The following UBOX5 variants were observed in gnomAD, a reference collection of about 807,000 sequenced individuals.
UBOX5 encodes RING finger protein 37.
A neutral mutation model predicts 39.0 loss-of-function variants in UBOX5; 28 were observed. The observed-to-expected ratio is 0.72, with a 90% confidence interval of 0.53 to 0.98. The LOEUF is 0.98. Ranked by LOEUF, UBOX5 falls within the 50% of genes least tolerant of loss-of-function variation. The pLI, the probability that UBOX5 is intolerant of heterozygous loss-of-function variation, is 0.00. For missense variants in UBOX5, 585 were observed against 674.4 expected, an observed-to-expected ratio of 0.87 and a Z score of 1.47; for synonymous variants, 283 against 275.5, an observed-to-expected ratio of 1.03 and a Z score of -0.27.
At chr20:3,135,396 A>G (rs1451043498) in intron 1 of UBOX5, among the ~76,000 whole-genome samples, 1 of 152,196 alleles carries the variant, frequency 6.6e-6, no homozygotes, top group Non-Finnish European at 1.5e-5. Context: ...GTCAAGGCAC[A>G]GAGGAGGGAA....
At chr20:3,148,997 A>G in intron 1 of UBOX5, 1 of 1,614,148 alleles carries the variant, frequency 6.2e-7, no homozygotes, top group Non-Finnish European at 8.5e-7. Context: ...CACACTTCGG[A>G]CTGCACCAAA....
At chr20:3,144,738 C>T (rs140805733) in intron 1 of UBOX5, among the ~76,000 whole-genome samples, 280 of 152,240 alleles carry the variant, frequency 1.8e-3, no homozygotes, top group African/African-American at 6.4e-3. Flanking sequence ...TATATATATA[C>T]AATCTCCTTA....
Position 3,121,470 on chromosome 20 carries a change from A to G in UBOX5, c.1169T>C (p.Leu390Ser), listed in dbSNP as rs771148041. The change falls in exon 3 of 5, where the codon TTG becomes TCG. Residue 390 changes from leucine (L) to serine (S), a missense_variant. By Grantham distance (145) the Leu-to-Ser change is moderately radical. Coordinates refer to ENST00000217173, the MANE Select transcript of UBOX5 (RefSeq NM_014948.4). ...GTGCTCTGAGGTAGTGGGTAAGACC[A>G]AAGGGCTTGTGGCAGAAAAACAGGA... ...NASCFSATSPLVLPTTSEHTA... is the reference protein window; with the variant it reads ...NASCFSATSPSVLPTTSEHTA... 1.2e-6 allele frequency: 2 copies of G among 1,614,128 alleles called. No homozygotes were observed. Among genetic ancestry groups the G allele is most frequent in the Non-Finnish European group, 1.7e-6 (2 of 1,180,030 alleles).
Position 3,122,351 on chromosome 20 carries a change from C to A in UBOX5, c.288G>T (p.Thr96=). 2 of 1,614,132 alleles carry A rather than the reference C, an allele frequency of 1.2e-6. No homozygotes were observed. Residue 96 remains threonine (T), a synonymous_variant, in exon 3 of 5, where the codon ACG becomes ACT. Coordinates refer to ENST00000217173, the MANE Select transcript of UBOX5 (RefSeq NM_014948.4). ...CTGGGCCCAGGGTCCGGCACTGGGGCGTATTCCAAGACACTCTGCTAGATG... is the reference window on the plus strand; with the variant it reads ...CTGGGCCCAGGGTCCGGCACTGGGGAGTATTCCAAGACACTCTGCTAGATG... ...SASSSRVSWN[T]PQCRTLGPAE... is the part of the protein sequence containing the mutation.
chr20:3,144,782 C>A, intron 1 of UBOX5, among the ~76,000 whole-genome samples: 1 of 152,164 alleles, frequency 6.6e-6, no homozygotes, highest in East Asian at 1.9e-4. Flanking sequence ...ACCTGAATCC[C>A]ACCAGACTTC....
At chr20:3,132,733 C>T (rs943289090) in intron 1 of UBOX5, among the ~76,000 whole-genome samples, 5 of 150,278 alleles carry the variant, frequency 3.3e-5, no homozygotes, top group African/African-American at 1.2e-4. Context: ...AGCAGGAGAA[C>T]TGCTGGAACC....
chr20:3,131,526 A>G (rs1157023983), intron 1 of UBOX5, among the ~76,000 whole-genome samples: 3 of 152,178 alleles, frequency 2.0e-5, no homozygotes, highest in South Asian at 2.1e-4. Flanking sequence ...TTTTGCTCAT[A>G]TTTAATTTTA....
At chr20:3,155,406 C>T (rs536660209) in intron 1 of UBOX5, among the ~76,000 whole-genome samples, 65 of 152,234 alleles carry the variant, frequency 4.3e-4, no homozygotes, top group South Asian at 3.1e-3. Context: ...TGGCAGGCAC[C>T]TGTAATCTCA....
intron 1 of UBOX5, among the ~76,000 whole-genome samples, chr20:3,136,757 G>A (rs538035670): frequency 2.0e-5 from 3 of 152,166 alleles, no homozygotes; most frequent in Middle Eastern, 3.4e-3. Context: ...CCAGGTTCAC[G>A]CCATTCTCCT....
rs575523655 is a variant in UBOX5 at position 3,156,379 on chromosome 20, A to G, written c.-42+3387T>C. Among the ~76,000 whole-genome samples, 173 of 152,050 alleles carry G rather than the reference A, an allele frequency of 1.1e-3. No homozygotes were observed. In the South Asian group the frequency reaches 0.012, roughly 11 times the overall value. ...TTTTTGGTAGAGACGGGGTTTTGCC[A>G]TGTTGGTCAGGCTGGTCTCAAACTC... On this transcript the variant is annotated intron_variant, in intron 1 of 4. Transcript: ENST00000217173.
At chr20:3,152,648 C>T (rs1266015685) in intron 1 of UBOX5, among the ~76,000 whole-genome samples, 10 of 152,154 alleles carry the variant, frequency 6.6e-5, no homozygotes, top group Admixed American at 6.5e-4. Context: ...TGGCTCACAC[C>T]TATAATCCCA....
chr20:3,159,804 G>A lies in UBOX5; in HGVS notation c.-80C>T, dbSNP rs2066727502. 6.6e-6 allele frequency: 1 copy of A among 152,274 alleles called. No homozygotes were observed. Among genetic ancestry groups the A allele is most frequent in the Non-Finnish European group, 1.5e-5 (1 of 68,056 alleles). The allele number at this position is 152,274 out of a possible 1,614,324, so 9.4% of individuals were successfully genotyped here. ...AGGTGGGCGCCGCAACACCAAACCG[G>A]GGACGCCGCGGGCGGCGGCGACACA... On this transcript the variant is annotated 5_prime_UTR_variant, in exon 1 of 5. Transcript: ENST00000217173.
At chr20:3,153,175 A>G (rs2066649165) in intron 1 of UBOX5, among the ~76,000 whole-genome samples, 1 of 152,246 alleles carries the variant, frequency 6.6e-6, no homozygotes, top group Non-Finnish European at 1.5e-5. Flanking sequence ...AATTAATTCT[A>G]CCTAAGAGTA....
At position 3,109,923 on chromosome 20, in the gene UBOX5, T is replaced by C. The variant is rs1054103270; in HGVS notation, c.*183A>G. ...CCCCGCCCTCTGGCCTATGGCTTTGTTGCCCTATTGCCACCAGCGCAGAAG... is the reference window on the plus strand; with the variant it reads ...CCCCGCCCTCTGGCCTATGGCTTTGCTGCCCTATTGCCACCAGCGCAGAAG... On this transcript the variant is annotated 3_prime_UTR_variant, in exon 5 of 5. Transcript: ENST00000217173. The C allele has an allele frequency of 5.8e-6, 4 of 692,674 alleles. No individual in the cohort carries two copies. The highest frequency in any genetic ancestry group is 5.4e-5 in the African/African-American group (3 of 56,030). 42.9% of individuals were successfully genotyped at this position (692,674 alleles called of 1,614,324 possible).
Position 3,149,602 on chromosome 20 carries a change from G to A in UBOX5, c.-42+10164C>T, listed in dbSNP as rs1371284244. 1.3e-5 allele frequency among the ~76,000 whole-genome samples: 2 copies of A among 152,308 alleles called. No individual in the cohort carries two copies. Among genetic ancestry groups the A allele is most frequent in the East Asian group, 3.9e-4 (2 of 5,190 alleles). On this transcript the variant is annotated intron_variant, in intron 1 of 4. Coordinates refer to ENST00000217173, the MANE Select transcript of UBOX5 (RefSeq NM_014948.4). The surrounding 1 kb of genome is among the most constrained non-coding windows in gnomAD (Gnocchi z 4.1). The stretch of plus-strand genomic sequence containing the variant: ...GGCAGATTTCTAGAAAGAAGGCTGG[G>A]AACAAAAGTGAGCAACTCCTTCCAT...
rs1280242678 is a variant in UBOX5, at chr20:3,115,340, C to G, written c.1382G>C (p.Gly461Ala). 3 of 1,613,572 alleles carry G rather than the reference C, an allele frequency of 1.9e-6. No homozygotes were observed. Among genetic ancestry groups the G allele is most frequent in the Non-Finnish European group, 2.5e-6 (3 of 1,179,794 alleles). The stretch of plus-strand genomic sequence containing the variant: ...GCCAGGCCTCCAGGAAGTGTTGCTC[C>G]CTCTTGTGCCAAGGTGCTGGAGCTG... ...RGQLQHLGTR[G>A]SNTSWRPGTG... The change falls in exon 4 of 5, where the codon GGG (glycine) becomes GCG (alanine). Residue 461 changes from glycine (G) to alanine (A), a missense_variant. Transcript: ENST00000217173.
Position 3,123,411 on chromosome 20 carries a change from A to G in UBOX5, c.-41-5T>C, listed in dbSNP as rs1367377315. On this transcript the variant is annotated splice_region_variant and splice_polypyrimidine_tract_variant and intron_variant, in intron 1 of 4. Transcript: ENST00000217173. The stretch of plus-strand genomic sequence containing the variant: ...CTTCCAAGCATCAGAAGCAGCCTTA[A>G]ATAAGAAATAAAACTATGTATTAGA... 4 of 1,567,038 alleles carry G rather than the reference A, an allele frequency of 2.6e-6. No individual in the cohort carries two copies. Among genetic ancestry groups the G allele is most frequent in the Non-Finnish European group, 3.5e-6 (4 of 1,141,730 alleles).
intron 2 of UBOX5, 23 bp from the exon 3 acceptor site, chr20:3,122,607 G>T: frequency 6.5e-7 from 1 of 1,532,014 alleles, no homozygotes; most frequent in South Asian, 1.3e-5. Context: ...AAAAACACAA[G>T]ATACAATGAT....
intron 3 of UBOX5, among the ~76,000 whole-genome samples, chr20:3,120,653 A>T (rs2066328183): frequency 6.6e-6 from 1 of 152,136 alleles, no homozygotes; most frequent in South Asian, 2.1e-4. Flanking sequence ...CTCAAAAAAA[A>T]AAAAAAAAGA....
Sources: gnomAD v4.1 joint callset for allele counts (sites outside exome capture counted in the v4.1 genomes callset) on GRCh38, gnomAD v4.1.1 for gene constraint, Gnocchi (gnomAD v3.1) non-coding constraint, MANE v1.5 for transcripts, NCBI Gene and HGNC (gene_info 2026-07-23, HGNC 2026-07-21) for gene names.